Variants in PCDHA11 observed in about 807,000 individuals in gnomAD.
PCDHA11 encodes the protein protocadherin alpha 11, also known as protocadherin alpha-11.
In PCDHA11, 61 loss-of-function variants were observed where a neutral mutation model predicts 70.3. The observed-to-expected ratio is 0.87, with a 90% CI of 0.71 to 1.07. The LOEUF (loss-of-function observed/expected upper bound fraction) is 1.07. Ranked by LOEUF, PCDHA11 falls within the 50% of genes least tolerant of loss-of-function variation. The probability of loss-of-function intolerance (pLI) is 0.00; values close to 1 mark genes in which losing one functional copy is unlikely to be tolerated. For missense variants in PCDHA11, 1,324 were observed against 1,237.5 expected (o/e 1.07, Z -1.05); for synonymous variants, 633 against 555.1 (o/e 1.14, Z -1.97).
chr5:140,993,509 C>CAT (rs1488940144), intron 3 of PCDHA11, among the ~76,000 whole-genome samples: 3 of 143,600 alleles, frequency 2.1e-5, no homozygotes, highest in African/African-American at 7.8e-5. Flanking sequence ...CACACACACA[C>CAT]GGGGAGAGAG....
Position 140,929,454 on chromosome 5 carries a change from C to T in PCDHA11, c.2392-49495C>T, listed in dbSNP as rs2086172726. ...AACTAAACACTCCTTCTTAGCACTTCCTGTGCCAAGAAATCTGGAAGTATA... is the reference window on the plus strand; with the variant it reads ...AACTAAACACTCCTTCTTAGCACTTTCTGTGCCAAGAAATCTGGAAGTATA... On this transcript the variant is annotated intron_variant, in intron 1 of 3. Transcript: ENST00000398640. 7 of 1,355,724 alleles carry T rather than the reference C, an allele frequency of 5.2e-6. No individual in the cohort carries two copies. In the Admixed American group the frequency reaches 8.0e-5, roughly 16 times the overall value. The allele number at this position is 1,355,724 out of a possible 1,614,324, so 84.0% of individuals were successfully genotyped here. A position where few individuals can be genotyped will look rare whatever the true frequency, so the allele number is the denominator to read the frequency against.
At chr5:140,960,764 A>C (rs1383623742) in intron 1 of PCDHA11, among the ~76,000 whole-genome samples, 7 of 152,164 alleles carry the variant, frequency 4.6e-5, no homozygotes, top group African/African-American at 1.7e-4. Flanking sequence ...CAAGAGTTAC[A>C]GAGGAGAAAT....
chr5:141,010,260 C>T lies in PCDHA11; in HGVS notation c.*323C>T, dbSNP rs906685521. The stretch of plus-strand genomic sequence containing the variant: ...GAGAGGTTGGACTCTCTGCCCTGTG[C>T]TCCGGGGATCCTGTCTTGATGACAC... On this transcript the variant is annotated 3_prime_UTR_variant, in exon 4 of 4. Transcript: ENST00000398640. 6.4e-7 allele frequency: 1 copy of T among 1,551,674 alleles called. No individual in the cohort carries two copies. The highest frequency in any genetic ancestry group is 1.4e-5 in the African/African-American group (1 of 73,028).
At chr5:140,872,850 G>T (rs1439631581) in intron 1 of PCDHA11, among the ~76,000 whole-genome samples, 2 of 152,084 alleles carry the variant, frequency 1.3e-5, no homozygotes, top group African/African-American at 4.8e-5. Context: ...ATATATTAAT[G>T]TGAGTACCTA....
At chr5:140,911,785 T>C (rs1334155529) in intron 1 of PCDHA11, among the ~76,000 whole-genome samples, 1 of 152,180 alleles carries the variant, frequency 6.6e-6, no homozygotes, top group Non-Finnish European at 1.5e-5. Context: ...CTTAGCATTT[T>C]TGGGTCTAAT....
chr5:140,941,181 G>C (rs2092747130), intron 1 of PCDHA11, among the ~76,000 whole-genome samples: 1 of 114,608 alleles, frequency 8.7e-6, no homozygotes, highest in African/African-American at 3.2e-5. Flanking sequence ...TGAACATCCT[G>C]CTTCTTTTTT....
chr5:140,935,985 C>G (rs155825), intron 1 of PCDHA11, among the ~76,000 whole-genome samples: 1 of 150,926 alleles, frequency 6.6e-6, no homozygotes, highest in Admixed American at 6.6e-5. Context: ...CTCTGCCTCC[C>G]GGGTTCAAGC....
At chr5:140,897,803 C>G (rs1285512803) in intron 1 of PCDHA11, among the ~76,000 whole-genome samples, 1 of 152,130 alleles carries the variant, frequency 6.6e-6, no homozygotes, top group Non-Finnish European at 1.5e-5. Context: ...AGAGTCCCAC[C>G]AACAGTGTAA....
rs565339027 is a variant in PCDHA11, at chr5:141,010,492, C to G, written c.*555C>G. ...AGGGGAAGTGTAAACTTAAAGGGAC[C>G]AGACTTTCTAAATCTTACAACTCAA... On this transcript the variant is annotated 3_prime_UTR_variant, in exon 4 of 4. Transcript: ENST00000398640. 28 of 628,626 alleles carry G rather than the reference C, an allele frequency of 4.5e-5. No homozygotes were observed. Among genetic ancestry groups the G allele is most frequent in the Admixed American group, 1.7e-4 (5 of 29,282 alleles). 38.9% of individuals were successfully genotyped at this position (628,626 alleles called of 1,614,324 possible).
chr5:140,967,003 C>T, intron 1 of PCDHA11: 1 of 1,605,342 alleles, frequency 6.2e-7, no homozygotes, highest in South Asian at 1.1e-5. Context: ...GCTTGCGCAT[C>T]AACCATCTGG....
At chr5:140,979,086 G>A in intron 2 of PCDHA11, 79 bp downstream of exon 2, 3 of 1,561,050 alleles carry the variant, frequency 1.9e-6, no homozygotes, top group South Asian at 2.4e-5. Flanking sequence ...CCATAGGCCA[G>A]AAGCAGCTGT....
At chr5:140,946,573 A>C (rs1272286008) in intron 1 of PCDHA11, among the ~76,000 whole-genome samples, 1 of 147,140 alleles carries the variant, frequency 6.8e-6, no homozygotes, top group African/African-American at 2.6e-5. Flanking sequence ...GAATCAACTT[A>C]GGTGTTCATA....
chr5:140,905,593 G>C (rs781937038), intron 1 of PCDHA11, among the ~76,000 whole-genome samples: 1 of 152,072 alleles, frequency 6.6e-6, no homozygotes, highest in Non-Finnish European at 1.5e-5. Context: ...TATTTTGCTG[G>C]GAATTGCATT....
At chr5:140,883,952 G>C (rs782014250) in intron 1 of PCDHA11, 17 of 1,613,030 alleles carry the variant, frequency 1.1e-5, no homozygotes, top group Non-Finnish European at 1.4e-5. Context: ...GAACGACAAC[G>C]CTCCGGCGCT....
chr5:140,877,713 T>C (rs2057302382), intron 1 of PCDHA11: 1 of 1,613,318 alleles, frequency 6.2e-7, no homozygotes, highest in African/African-American at 1.3e-5. Flanking sequence ...CCGTGGGGAG[T>C]TGGTCTTACT....
chr5:140,925,082 AAAGGAAGGAAGG>A (rs138596875), intron 1 of PCDHA11, among the ~76,000 whole-genome samples: 78 of 147,388 alleles, frequency 5.3e-4, no homozygotes, highest in African/African-American at 1.8e-3. Context: ...GCTCATCTGG[AAAGGAAGGAAGG>A]AAGGAAGGAA....
chr5:140,981,443 G>A lies in PCDHA11; in HGVS notation c.2451-1032G>A, dbSNP rs530782878. ...ACAAAAATGAGCCAGGCATGGTGGC[G>A]GGTGCCTGTAGTCCCAGCTACTTGG... On this transcript the variant is annotated intron_variant, in intron 2 of 3. Transcript: ENST00000398640. Among the ~76,000 whole-genome samples, 6 of 152,126 alleles carry A rather than the reference G, an allele frequency of 3.9e-5. No homozygotes were observed. The Middle Eastern group carries it at 0.01, about 259-fold the overall frequency.
At chr5:140,974,808 G>A (rs1229375180) in intron 1 of PCDHA11, among the ~76,000 whole-genome samples, 1 of 152,090 alleles carries the variant, frequency 6.6e-6, no homozygotes, top group Non-Finnish European at 1.5e-5. Context: ...TATACTAGAA[G>A]ACCAATATGC....
chr5:140,967,453 C>A (rs782630345), intron 1 of PCDHA11: 1 of 1,613,556 alleles, frequency 6.2e-7, no homozygotes, highest in Non-Finnish European at 8.5e-7. Context: ...TTCTCACAGC[C>A]GTGGATGGGG....
Sources: gnomAD v4.1 joint callset for allele counts (sites outside exome capture counted in the v4.1 genomes callset) on GRCh38, gnomAD v4.1.1 for gene constraint, MANE v1.5 for transcripts, NCBI Gene and HGNC (gene_info 2026-07-23, HGNC 2026-07-21) for gene names.